Variants in TSHZ3 observed in about 807,000 individuals in gnomAD.
The protein encoded by TSHZ3 is teashirt zinc finger homeobox 3, also known as teashirt homolog 3.
TSHZ3 carries 10 observed loss-of-function variants against 64.5 expected under a neutral mutation model. The ratio of observed to expected loss-of-function variants is 0.16; its 90% CI spans 0.10 to 0.26. The LOEUF (loss-of-function observed/expected upper bound fraction) is 0.26. Ranked by LOEUF, TSHZ3 falls within the 10% of genes least tolerant of loss-of-function variation. The probability of loss-of-function intolerance (pLI) is 1.00; values close to 1 mark genes in which losing one functional copy is unlikely to be tolerated. For missense variants in TSHZ3, 1,242 were observed against 1,421.7 expected, an observed-to-expected ratio of 0.87 and a Z score of 2.03; for synonymous variants, 608 against 593.1, an observed-to-expected ratio of 1.03 and a Z score of -0.36.
At chr19:31,304,186 G>A (rs1399394512) in intron 1 of TSHZ3, among the ~76,000 whole-genome samples, 1 of 152,168 alleles carries the variant, frequency 6.6e-6, no homozygotes, top group African/African-American at 2.4e-5. Context: ...TGTTGGTCAA[G>A]CTGGTCTCGA....
chr19:31,301,241 CCCA>C (rs1976751973), intron 1 of TSHZ3, among the ~76,000 whole-genome samples: 1 of 151,944 alleles, frequency 6.6e-6, no homozygotes, highest in Admixed American at 6.6e-5. Flanking sequence ...ATGGGGCATC[CCCA>C]CCACGTCTCC....
chr19:31,209,097 G>T (rs1421078529), intron 4 of TSHZ3, among the ~76,000 whole-genome samples: 1 of 152,118 alleles, frequency 6.6e-6, no homozygotes, highest in Non-Finnish European at 1.5e-5. Flanking sequence ...AGATTCCCTG[G>T]TAGATTTCAA....
At chr19:31,296,438 G>T (rs111726139) in intron 1 of TSHZ3, among the ~76,000 whole-genome samples, 1 of 149,644 alleles carries the variant, frequency 6.7e-6, no homozygotes, top group East Asian at 2.0e-4. Flanking sequence ...GGGTTCAAGC[G>T]ATTCTCCTGC....
At chr19:31,337,011 C>CTTTTT (rs1429929065) in intron 1 of TSHZ3, among the ~76,000 whole-genome samples, 3 of 107,634 alleles carry the variant, frequency 2.8e-5, no homozygotes, top group African/African-American at 7.1e-5. Flanking sequence ...TTCTTTTTTT[C>CTTTTT]TATTTTTTTT....
chr19:31,350,061 C>T (rs974598465), upstream of TSHZ3, among the ~76,000 whole-genome samples: 10 of 144,206 alleles, frequency 6.9e-5, no homozygotes, highest in African/African-American at 2.5e-4. Flanking sequence ...CTATTCCCAC[C>T]CAGCGTTCGT....
chr19:31,283,420 C>T (rs1976400684), intron 1 of TSHZ3, among the ~76,000 whole-genome samples: 1 of 152,208 alleles, frequency 6.6e-6, no homozygotes, highest in South Asian at 2.1e-4. Flanking sequence ...TATTTATACT[C>T]TTGATTACTG....
At chr19:31,162,804 A>G (rs1362110575) in intron 5 of TSHZ3, among the ~76,000 whole-genome samples, 1 of 152,240 alleles carries the variant, frequency 6.6e-6, no homozygotes, top group East Asian at 1.9e-4. Context: ...ACAAGGAACC[A>G]TGGCACAGCC....
chr19:31,203,048 T>C (rs553022869), intron 5 of TSHZ3, among the ~76,000 whole-genome samples: 13 of 151,152 alleles, frequency 8.6e-5, no homozygotes, highest in Admixed American at 3.3e-4. Flanking sequence ...AGATGATAAG[T>C]AATATAGAAA....
chr19:31,314,912 C>T (rs558303074), intron 1 of TSHZ3, among the ~76,000 whole-genome samples: 2 of 152,348 alleles, frequency 1.3e-5, no homozygotes, highest in African/African-American at 4.8e-5. Context: ...AGGTGCTTAC[C>T]TCTATGAGAA....
chr19:31,341,465 T>C (rs1297123319), intron 1 of TSHZ3, among the ~76,000 whole-genome samples: 4 of 152,064 alleles, frequency 2.6e-5, no homozygotes, highest in Non-Finnish European at 4.4e-5. Context: ...CCCGGACATG[T>C]CATGCAACAG....
At chr19:31,281,752 A>G (rs1221337249) in intron 1 of TSHZ3, among the ~76,000 whole-genome samples, 1 of 152,222 alleles carries the variant, frequency 6.6e-6, no homozygotes, top group Admixed American at 6.5e-5. Context: ...AAAGAAAAAG[A>G]AAAGAAGACA....
At chr19:31,151,698 T>C (rs1974241332) in exon 7 of TSHZ3, among the ~76,000 whole-genome samples, 1 of 152,206 alleles carries the variant, frequency 6.6e-6, no homozygotes, top group Non-Finnish European at 1.5e-5. Context: ...TCTGTCTCGA[T>C]GCAAGAGAAT....
At chr19:31,325,173 T>C (rs1482753329) in intron 1 of TSHZ3, among the ~76,000 whole-genome samples, 1 of 152,162 alleles carries the variant, frequency 6.6e-6, no homozygotes, top group Non-Finnish European at 1.5e-5. Context: ...CGACCTCAGG[T>C]AATGAGGATG....
intron 1 of TSHZ3, among the ~76,000 whole-genome samples, chr19:31,297,633 T>C (rs1482162636): frequency 1.3e-5 from 2 of 152,196 alleles, no homozygotes; most frequent in East Asian, 3.9e-4. Context: ...CCTAGCTGAT[T>C]TTTAATATTT....
At chr19:31,347,077 C>T (rs1049015921) in intron 1 of TSHZ3, among the ~76,000 whole-genome samples, 5 of 151,734 alleles carry the variant, frequency 3.3e-5, no homozygotes, top group Non-Finnish European at 4.4e-5. Flanking sequence ...GTCGTTTTGA[C>T]GGGTCATTTT....
intron 1 of TSHZ3, among the ~76,000 whole-genome samples, chr19:31,330,637 T>C (rs1917057036): frequency 6.7e-6 from 1 of 150,082 alleles, no homozygotes; most frequent in South Asian, 2.1e-4. Context: ...TGCTGTGTGA[T>C]CCACACCTCC....
At chr19:31,218,020 C>T (rs914106343) in intron 4 of TSHZ3, among the ~76,000 whole-genome samples, 6 of 152,128 alleles carry the variant, frequency 3.9e-5, no homozygotes, top group Non-Finnish European at 8.8e-5. Context: ...ACCAAAGGCA[C>T]ATTCCGTGAA....
At chr19:31,213,890 T>C (rs1226249595) in intron 4 of TSHZ3, among the ~76,000 whole-genome samples, 1 of 152,354 alleles carries the variant, frequency 6.6e-6, no homozygotes, top group African/African-American at 2.4e-5. Flanking sequence ...GTTTAGACAA[T>C]TATCTTCCTT....
intron 5 of TSHZ3, among the ~76,000 whole-genome samples, chr19:31,160,861 T>C (rs1236551116): frequency 6.6e-6 from 1 of 152,158 alleles, no homozygotes; most frequent in Non-Finnish European, 1.5e-5. Context: ...TTAAAATATT[T>C]GTGTATGTCC....
Sources: gnomAD v4.1 joint callset for allele counts (sites outside exome capture counted in the v4.1 genomes callset) on GRCh38, gnomAD v4.1.1 for gene constraint, MANE v1.5 for transcripts, NCBI Gene and HGNC (gene_info 2026-07-23, HGNC 2026-07-21) for gene names.